ZNF536: variants seen among roughly 807,000 people sequenced by gnomAD.
ZNF536 encodes zinc finger protein 536.
In ZNF536, 13 loss-of-function variants were observed where a neutral mutation model predicts 84.5. The ratio of observed to expected loss-of-function variants is 0.15; its 90% CI spans 0.10 to 0.24. The LOEUF is 0.24. ZNF536 is among the 10% of genes least tolerant of loss of function. The probability of loss-of-function intolerance (pLI) is 1.00; values close to 1 mark genes in which losing one functional copy is unlikely to be tolerated. For missense variants in ZNF536, 1,536 were observed against 1,747.5 expected, an observed-to-expected ratio of 0.88 and a Z score of 2.16; for synonymous variants, 811 against 742.5, an observed-to-expected ratio of 1.09 and a Z score of -1.50.
intron 2 of ZNF536, among the ~76,000 whole-genome samples, chr19:30,300,943 G>A (rs2046161592): frequency 6.6e-6 from 1 of 152,160 alleles, no homozygotes; most frequent in Non-Finnish European, 1.5e-5. Context: ...AGCTTCCCCT[G>A]GACTATTTCT....
downstream of ZNF536, among the ~76,000 whole-genome samples, chr19:30,560,561 C>A (rs1267607262): frequency 3.3e-5 from 5 of 152,138 alleles, no homozygotes; most frequent in African/African-American, 9.7e-5. Flanking sequence ...AACACGAACA[C>A]CCTGGTCTGG....
intron 1 of ZNF536, among the ~76,000 whole-genome samples, chr19:30,283,682 T>C (rs1202999153): frequency 6.6e-6 from 1 of 151,986 alleles, no homozygotes; most frequent in Non-Finnish European, 1.5e-5. Flanking sequence ...GACCCTTGGG[T>C]ACTTCTTCAC....
At chr19:30,570,736 A>G (rs1366943336) in intron 1 of ZNF536, among the ~76,000 whole-genome samples, 1 of 152,168 alleles carries the variant, frequency 6.6e-6, no homozygotes, top group African/African-American at 2.4e-5. Flanking sequence ...TTAAAAACCT[A>G]TATTTTAAGC....
intron 2 of ZNF536, among the ~76,000 whole-genome samples, chr19:30,288,799 A>C (rs2045735292): frequency 6.6e-6 from 1 of 152,178 alleles, no homozygotes; most frequent in Non-Finnish European, 1.5e-5. Flanking sequence ...CATTTAGTAC[A>C]AGCATGGCAC....
exon 2 of ZNF536, chr19:30,711,011 C>A (rs1038631519): frequency 2.6e-5 from 4 of 152,184 alleles, no homozygotes; most frequent in Non-Finnish European, 5.9e-5. Context: ...AGCAGACCAA[C>A]CTGTATATTG....
downstream of ZNF536, among the ~76,000 whole-genome samples, chr19:30,558,327 C>T (rs534065323): frequency 3.3e-5 from 5 of 152,228 alleles, no homozygotes; most frequent in South Asian, 2.1e-4. Context: ...GACACGGGCC[C>T]GTTTCTCTGT....
rs960189040 is a variant in ZNF536 at position 30,543,276 on chromosome 19, A to G, written c.2324-4667A>G. 2.6e-5 allele frequency among the ~76,000 whole-genome samples: 4 copies of G among 152,254 alleles called. No homozygotes were observed. The East Asian group carries it at 7.7e-4, about 29-fold the overall frequency. ...ATAACAGATAAACACAAAGCAATGA[A>G]CCACAAACATCATGGAGGTCACCAT... is the stretch of plus-strand genomic sequence containing the variant. On this transcript the variant is annotated intron_variant, in intron 3 of 4. Coordinates refer to ENST00000355537, the MANE Select transcript of ZNF536 (RefSeq NM_014717.3).
chr19:30,440,972 C>T (rs1406900700), intron 1 of ZNF536, among the ~76,000 whole-genome samples: 2 of 152,086 alleles, frequency 1.3e-5, no homozygotes, highest in Non-Finnish European at 2.9e-5. Context: ...CATACTCAAA[C>T]CAAATCTGAA....
rs2146249528 is a variant in ZNF536 at position 30,549,307 on chromosome 19, G to C, written c.3688G>C (p.Glu1230Gln). 6.2e-7 allele frequency: 1 copy of C among 1,612,692 alleles called. No homozygotes were observed. The highest frequency in any genetic ancestry group is 8.5e-7 in the Non-Finnish European group (1 of 1,179,402). The change falls in exon 4 of 5, where the codon GAG (glutamate) becomes CAG (glutamine). Residue 1230 changes from glutamate to glutamine, a missense_variant. By Grantham distance (29) the Glu-to-Gln change is conservative (BLOSUM62 2). Coordinates refer to ENST00000355537, the MANE Select transcript of ZNF536 (RefSeq NM_014717.3). ...GLVSPLSQAP[E>Q]KQWHSQGLLQ... ...GGTCTCACCTTTATCCCAAGCACCGGAGAAGCAGTGGCACAGCCAGGGTCT... is the reference window on the plus strand; with the variant it reads ...GGTCTCACCTTTATCCCAAGCACCGCAGAAGCAGTGGCACAGCCAGGGTCT...
chr19:30,624,412 C>T (rs2048601281), intron 1 of ZNF536, among the ~76,000 whole-genome samples: 1 of 152,134 alleles, frequency 6.6e-6, no homozygotes, highest in African/African-American at 2.4e-5. Flanking sequence ...GAGCCCGAGC[C>T]CAGAATGATC....
intron 1 of ZNF536, among the ~76,000 whole-genome samples, chr19:30,231,277 A>G (rs1359055148): frequency 1.3e-5 from 2 of 152,244 alleles, no homozygotes; most frequent in Non-Finnish European, 2.9e-5. Flanking sequence ...GCCCTGCCTC[A>G]GCCTATCTCC....
At chr19:30,394,455 C>G (rs1005668991) in intron 1 of ZNF536, among the ~76,000 whole-genome samples, 4 of 152,166 alleles carry the variant, frequency 2.6e-5, no homozygotes, top group Non-Finnish European at 4.4e-5. Context: ...TCTCAGCTAC[C>G]CTCCTACCCC....
downstream of ZNF536, among the ~76,000 whole-genome samples, chr19:30,558,294 T>G (rs1316093846): frequency 1.3e-5 from 2 of 151,896 alleles, no homozygotes; most frequent in Non-Finnish European, 2.9e-5. Context: ...TGGATGACTG[T>G]GGGGGGTGGG....
chr19:30,664,243 T>C lies in ZNF536; in HGVS notation c.170-46514T>C, dbSNP rs866318605. Among the ~76,000 whole-genome samples, 73 of 133,232 alleles carry C rather than the reference T, an allele frequency of 5.5e-4. 1 individual carries two copies. Among genetic ancestry groups the C allele is most frequent in the African/African-American group, 1.3e-3 (44 of 33,288 alleles). 87.4% of individuals were successfully genotyped at this position (133,232 alleles called of 152,430 possible). A position where few individuals can be genotyped will look rare whatever the true frequency, so the allele number is the denominator to read the frequency against. ...CTCTCTCTCTCTCTCTCTCTCTCTC[T>C]CTCTCTCTCTCTCTCTCTCCCTCTC... On this transcript the variant is annotated intron_variant, in intron 1 of 1. Coordinates refer to the ZNF536 transcript ENST00000592773.
rs114946670 is a variant in ZNF536 at position 30,454,051 on chromosome 19, G to A, written c.2170+8319G>A. Among the ~76,000 whole-genome samples, 852 of 152,338 alleles carry A rather than the reference G, an allele frequency of 5.6e-3. 5 individuals are homozygous for A. Among genetic ancestry groups the A allele is most frequent in the African/African-American group, 0.019 (797 of 41,568 alleles). ...CAATGTGGGCATGAGGACGGGCTTGGCTTTAACACCTCCTCACTTGCTTCC... is the reference window on the plus strand; with the variant it reads ...CAATGTGGGCATGAGGACGGGCTTGACTTTAACACCTCCTCACTTGCTTCC... On this transcript the variant is annotated intron_variant, in intron 2 of 4. Coordinates refer to ENST00000355537, the MANE Select transcript of ZNF536 (RefSeq NM_014717.3).
At chr19:30,512,431 T>A (rs2055451148) in intron 2 of ZNF536, among the ~76,000 whole-genome samples, 1 of 152,198 alleles carries the variant, frequency 6.6e-6, no homozygotes, top group Non-Finnish European at 1.5e-5. Flanking sequence ...AAGCCTTATA[T>A]GTAACACATT....
chr19:30,544,149 C>T (rs1467165687), intron 3 of ZNF536, among the ~76,000 whole-genome samples: 3 of 152,192 alleles, frequency 2.0e-5, no homozygotes, highest in Non-Finnish European at 1.5e-5. Context: ...ACCTGGAGCA[C>T]TTAACTGAGG....
At position 30,640,568 on chromosome 19, in the gene ZNF536, A is replaced by G. The variant is rs111550612; in HGVS notation, c.170-70189A>G. ...AGGTATCGTAAGATTGTGCCTCGCA[A>G]GAGTCAGGCCCAAGATCCTCCAGGC... On this transcript the variant is annotated intron_variant, in intron 1 of 1. Coordinates refer to the ZNF536 transcript ENST00000592773. Among the ~76,000 whole-genome samples, 18 of 152,298 alleles carry G rather than the reference A, an allele frequency of 1.2e-4. 1 individual carries two copies. Among genetic ancestry groups the G allele is most frequent in the African/African-American group, 4.1e-4 (17 of 41,552 alleles).
chr19:30,698,269 G>A (rs191737683), intron 1 of ZNF536, among the ~76,000 whole-genome samples: 6 of 151,480 alleles, frequency 4.0e-5, no homozygotes, highest in Admixed American at 3.9e-4. Context: ...TCCAGCCTGG[G>A]TGACAGAGCA....
Sources: allele counts gnomAD v4.1 joint callset (sites outside exome capture counted in the v4.1 genomes callset), GRCh38; gene constraint gnomAD v4.1.1; transcripts MANE v1.5; gene names NCBI Gene and HGNC (gene_info 2026-07-23, HGNC 2026-07-21).